NCAPG2: variants seen among roughly 807,000 people sequenced by gnomAD.
NCAPG2 encodes the protein condensin-2 complex subunit G2.
In NCAPG2, 53 loss-of-function variants were observed where a neutral mutation model predicts 141.1. The observed-to-expected ratio is 0.38, with a 90% confidence interval of 0.30 to 0.47. The LOEUF (loss-of-function observed/expected upper bound fraction) is 0.47, where lower values mean the gene tolerates loss of function less well. Among genes scored for constraint, NCAPG2 ranks in the 20% least tolerant of loss-of-function variants. NCAPG2 has a pLI of 0.99. For synonymous variants in NCAPG2, 499 were observed against 490.7 expected (o/e 1.02, Z -0.22); for missense variants, 1,087 against 1,389.0 (o/e 0.78, Z 3.46).
chr7:158,698,549 G>A lies in NCAPG2; in HGVS notation c.78+3273C>T, dbSNP rs930217531. ...GCCACACAGGTTTGTAGCCTAGGAC[G>A]GTAGACTGTACCATCTAGCCCAGGT... On this transcript the variant is annotated intron_variant, in intron 2 of 27. Transcript: ENST00000356309. Among the ~76,000 whole-genome samples the A allele has an allele frequency of 3.9e-5, 6 of 152,272 alleles. No homozygotes were observed. The East Asian group carries it at 7.7e-4, about 20-fold the overall frequency.
At chr7:158,654,777 A>C in intron 21 of NCAPG2, 83 bp from the exon 22 acceptor site, 1 of 1,513,178 alleles carries the variant, frequency 6.6e-7, no homozygotes, top group Non-Finnish European at 8.8e-7. Context: ...TCTCCTATCC[A>C]TGTGCTAGTT....
intron 13 of NCAPG2, among the ~76,000 whole-genome samples, chr7:158,667,435 T>G (rs1198906118): frequency 0.56 from 16,649 of 29,918 alleles, 3,727 homozygotes; most frequent in South Asian, 0.6. Context: ...CCCTCCGCCC[T>G]CCTTACCCAC....
At chr7:158,694,209 G>A (rs537708719) in intron 2 of NCAPG2, among the ~76,000 whole-genome samples, 19 of 152,236 alleles carry the variant, frequency 1.2e-4, no homozygotes, top group South Asian at 4.1e-4. Flanking sequence ...GCAAGAGCCC[G>A]TCTCTAAAAA....
At chr7:158,644,194 G>A (rs757846911) in intron 27 of NCAPG2, 95 bp downstream of exon 27, 48 of 1,035,058 alleles carry the variant, frequency 4.6e-5, no homozygotes, top group Non-Finnish European at 6.9e-5. Context: ...AACCACCTGG[G>A]TGTAAGTAGC....
At chr7:158,704,039 G>A (rs1295625645) in intron 1 of NCAPG2, among the ~76,000 whole-genome samples, 2 of 150,420 alleles carry the variant, frequency 1.3e-5, no homozygotes, top group Non-Finnish European at 3.0e-5. Context: ...AGGACTGAGG[G>A]GACGCTCTCT....
chr7:158,657,086 GAGATAATCACCAACATTGT>G (rs1308425114), intron 17 of NCAPG2, among the ~76,000 whole-genome samples: 1 of 152,048 alleles, frequency 6.6e-6, no homozygotes, highest in African/African-American at 2.4e-5. Flanking sequence ...AATTTTTATT[GAGATAATCACCAACATTGT>G]AGAGCTCTAA....
chr7:158,631,805 G>T, intron 27 of NCAPG2, 88 bp from the exon 28 acceptor site: 1 of 1,083,760 alleles, frequency 9.2e-7, no homozygotes, highest in Admixed American at 2.0e-5. Flanking sequence ...ATCTAAAAAT[G>T]GTTTGCAACC....
rs1466767549 is a variant in NCAPG2, at chr7:158,683,384, C to T, written c.840G>A (p.Ala280=). 9.4e-6 allele frequency: 15 copies of T among 1,600,762 alleles called. No individual in the cohort carries two copies. The highest frequency in any genetic ancestry group is 1.7e-4 in the Middle Eastern group (1 of 6,032). The change falls in exon 9 of 28, where the codon GCG becomes GCA. Residue 280 remains alanine (A), a splice_region_variant and synonymous_variant. Coordinates refer to ENST00000356309, the MANE Select transcript of NCAPG2 (RefSeq NM_017760.7). ...AGTCCTGGATGCAATCATTTTCAAT[C>T]GCCTGAAATAACAAATGCAATGCAA... ...WKKASGKILE[A]IENDCIQDFM... is the part of the protein sequence containing the mutation.
At chr7:158,684,057 G>A (rs560849782) in intron 8 of NCAPG2, among the ~76,000 whole-genome samples, 3 of 152,314 alleles carry the variant, frequency 2.0e-5, no homozygotes, top group African/African-American at 7.2e-5. Flanking sequence ...CTAAGGAAAC[G>A]CTCCTAGGGT....
chr7:158,661,606 T>C (rs1158090231), intron 16 of NCAPG2, among the ~76,000 whole-genome samples: 30 of 152,318 alleles, frequency 2.0e-4, no homozygotes, highest in Admixed American at 2.0e-3. Context: ...ATTTTAAGCA[T>C]TCTCGCCACA....
At chr7:158,653,486 A>C (rs1831654368) in intron 22 of NCAPG2, among the ~76,000 whole-genome samples, 1 of 152,212 alleles carries the variant, frequency 6.6e-6, no homozygotes, top group Admixed American at 6.5e-5. Context: ...ATGATGGATG[A>C]TTTTGCTTAT....
In NCAPG2 at chr7:158,664,483, TG is replaced by T. The variant is rs770142660; in HGVS notation, c.1702+44del. On this transcript the variant is annotated intron_variant, in intron 14 of 27. Transcript: ENST00000356309. ...AACTCTGTAATTTGTATTATGCTTT[TG>T]GGGGAAAACATAACAAGAACTGAGA... 29 of 1,586,078 alleles carry T rather than the reference TG, an allele frequency of 1.8e-5. No homozygotes were observed. The East Asian group carries it at 5.6e-4, about 31-fold the overall frequency.
Position 158,693,436 on chromosome 7 carries a change from T to C in NCAPG2, c.140A>G (p.Lys47Arg). ...CTTCAGCCTTTGCCATAATTCTTCTTTCTGTTTCCTTGATAATTCATCTAG... is the reference window on the plus strand; with the variant it reads ...CTTCAGCCTTTGCCATAATTCTTCTCTCTGTTTCCTTGATAATTCATCTAG... Reference protein sequence around the residue: ...ELLDELSRKQKEELWQRLKNL... With the variant: ...ELLDELSRKQREELWQRLKNL... Residue 47 changes from lysine (K) to arginine (R), a missense_variant, in exon 3 of 28, where the codon AAA becomes AGA. By Grantham distance (26) the Lys-to-Arg change is conservative (BLOSUM62 2). Transcript: ENST00000356309. The C allele has an allele frequency of 6.2e-7, 1 of 1,614,070 alleles. No homozygotes were observed. The highest frequency in any genetic ancestry group is 8.5e-7 in the Non-Finnish European group (1 of 1,179,916).
intron 24 of NCAPG2, among the ~76,000 whole-genome samples, chr7:158,647,690 A>G (rs1056024758): frequency 6.7e-6 from 1 of 149,874 alleles, no homozygotes; most frequent in South Asian, 2.1e-4. Context: ...ATGACTAAAC[A>G]ACACTGCTTT....
At chr7:158,655,058 A>G in intron 21 of NCAPG2, 60 bp downstream of exon 21, 1 of 1,512,200 alleles carries the variant, frequency 6.6e-7, no homozygotes, top group Non-Finnish European at 8.8e-7. Context: ...TAGAAAATGA[A>G]ATCCTGAAAC....
Position 158,690,624 on chromosome 7 carries a change from C to G in NCAPG2, c.481G>C (p.Asp161His). 1 of 1,614,190 alleles carries G rather than the reference C, an allele frequency of 6.2e-7. No homozygotes were observed. The highest frequency in any genetic ancestry group is 1.3e-5 in the African/African-American group (1 of 75,058). The change falls in exon 5 of 28, where the codon GAC becomes CAC. Residue 161 changes from aspartate to histidine, a missense_variant. Transcript: ENST00000356309. ...ATGACAAAGGCTGTCTTTCCTGTGT[C>G]TTCCTTGGCAGGCAGGCCTTTCTCC... Reference protein sequence around the residue: ...WWEKGLPAKEDTGKTAFVMLL... With the variant: ...WWEKGLPAKEHTGKTAFVMLL...
intron 17 of NCAPG2, among the ~76,000 whole-genome samples, 194 bp from the exon 18 acceptor site, chr7:158,656,899 A>G (rs371338669): frequency 6.6e-6 from 1 of 152,162 alleles, no homozygotes; most frequent in South Asian, 2.1e-4. Context: ...ATCCCACCAC[A>G]AGACCTGAGA....
chr7:158,694,054 A>G lies in NCAPG2; in HGVS notation c.79-557T>C, dbSNP rs145718449. On this transcript the variant is annotated intron_variant, in intron 2 of 27. Transcript: ENST00000356309. ...AGGGACTCCCTATAGCCAAATTTGGAACAATGTGAGCACCAAAACAGTGAC... is the reference window on the plus strand; with the variant it reads ...AGGGACTCCCTATAGCCAAATTTGGGACAATGTGAGCACCAAAACAGTGAC... Among the ~76,000 whole-genome samples the G allele has an allele frequency of 1.6e-4, 24 of 152,306 alleles. 1 individual carries two copies. The highest frequency in any genetic ancestry group is 5.3e-4 in the African/African-American group (22 of 41,564).
intron 8 of NCAPG2, among the ~76,000 whole-genome samples, chr7:158,684,706 A>G (rs1173866309): frequency 6.6e-6 from 1 of 152,230 alleles, no homozygotes; most frequent in East Asian, 1.9e-4. Context: ...ACATCTAGTC[A>G]AATAGTTTTT....
Sources: gnomAD v4.1 joint callset for allele counts (sites outside exome capture counted in the v4.1 genomes callset) on GRCh38, gnomAD v4.1.1 for gene constraint, MANE v1.5 for transcripts, NCBI Gene and HGNC (gene_info 2026-07-23, HGNC 2026-07-21) for gene names.